Variants in DOCK6 observed in about 807,000 individuals in gnomAD.
The protein encoded by DOCK6 is dedicator of cytokinesis protein 6.
DOCK6 carries 167 observed loss-of-function variants against 230.3 expected under a neutral mutation model. The ratio of observed to expected loss-of-function variants is 0.73; its 90% CI spans 0.64 to 0.82. The LOEUF (loss-of-function observed/expected upper bound fraction) is 0.82. Ranked by LOEUF, DOCK6 falls within the 40% of genes least tolerant of loss-of-function variation. The pLI is 0.00. For synonymous variants in DOCK6, 1,148 were observed against 1,185.0 expected, an observed-to-expected ratio of 0.97 and a Z score of 0.64; for missense variants, 2,598 against 2,825.8, an observed-to-expected ratio of 0.92 and a Z score of 1.83.
At chr19:11,216,320 T>C (rs1338080869) in intron 30 of DOCK6, among the ~76,000 whole-genome samples, 2 of 152,098 alleles carry the variant, frequency 1.3e-5, no homozygotes, top group African/African-American at 4.8e-5. Context: ...ACTCGTGGGC[T>C]CAAGCAGTTT....
At chr19:11,261,131 C>G (rs1470784868) in intron 1 of DOCK6, among the ~76,000 whole-genome samples, 2 of 152,032 alleles carry the variant, frequency 1.3e-5, no homozygotes, top group African/African-American at 4.8e-5. Flanking sequence ...GTCAAAGTCC[C>G]TTGCACAGCC....
At chr19:11,261,618 G>A (rs148090540) in intron 1 of DOCK6, among the ~76,000 whole-genome samples, 77 of 152,280 alleles carry the variant, frequency 5.1e-4, no homozygotes, top group African/African-American at 1.7e-3. Context: ...GCCCCAGAGA[G>A]TCTGATATAC....
intron 18 of DOCK6, 33 bp downstream of exon 18, chr19:11,237,423 T>C: frequency 1.2e-6 from 2 of 1,612,000 alleles, no homozygotes; most frequent in Admixed American, 1.7e-5. Flanking sequence ...CTGGGGACAG[T>C]GCATTGGCAG....
intron 35 of DOCK6, 31 bp from the exon 36 acceptor site, chr19:11,212,182 G>A (rs753965958): frequency 5.6e-5 from 89 of 1,592,574 alleles, no homozygotes; most frequent in African/African-American, 8.0e-5. Flanking sequence ...GGGTGGAGCC[G>A]GGAGTCTCAG....
intron 2 of DOCK6, 109 bp from the exon 3 acceptor site, chr19:11,253,067 G>T (rs1277620853): frequency 1.8e-6 from 2 of 1,094,602 alleles, no homozygotes; most frequent in Non-Finnish European, 2.6e-6. Flanking sequence ...GAGGGCGGTG[G>T]GAGCCATGGA....
chr19:11,206,833 G>A (rs1362333261), intron 39 of DOCK6, among the ~76,000 whole-genome samples: 2 of 149,708 alleles, frequency 1.3e-5, no homozygotes, highest in African/African-American at 4.9e-5. Context: ...GATTTGTGGT[G>A]GTTTTTTTTT....
chr19:11,205,650 T>C (rs1388801019), intron 39 of DOCK6, among the ~76,000 whole-genome samples: 1 of 151,680 alleles, frequency 6.6e-6, no homozygotes, highest in South Asian at 2.1e-4. Context: ...GCCATATTTG[T>C]ATTTTTAGTA....
intron 30 of DOCK6, 189 bp downstream of exon 30, chr19:11,216,725 T>TA: frequency 1.6e-6 from 1 of 640,836 alleles, no homozygotes; most frequent in Non-Finnish European, 2.7e-6. Flanking sequence ...TTCCAAATTC[T>TA]ATTCACAAAG....
intron 28 of DOCK6, among the ~76,000 whole-genome samples, chr19:11,218,121 ACT>A (rs1407630198): frequency 6.6e-6 from 1 of 151,964 alleles, no homozygotes; most frequent in Non-Finnish European, 1.5e-5. Context: ...AAGTGCTGGG[ACT>A]ATAGGCATGA....
rs754481747 is a variant in DOCK6 at position 11,233,307 on chromosome 19, T to C, written c.2614A>G (p.Ser872Gly). 5 of 1,613,842 alleles carry C rather than the reference T, an allele frequency of 3.1e-6. No homozygotes were observed. The highest frequency in any genetic ancestry group is 8.5e-7 in the Non-Finnish European group (1 of 1,179,854). ...TLARGSGRPA[S>G]LYLARSKSIS... The stretch of plus-strand genomic sequence containing the variant: ...CTCTTGGAACGCGCCAGGTAGAGGC[T>C]TGCGGGGCGACCAGAGCCACGGGCC... The change falls in exon 22 of 48, where the codon AGC becomes GGC. Residue 872 changes from serine to glycine, a missense_variant. Transcript: ENST00000294618.
rs184217974 is a variant in DOCK6 at position 11,216,661 on chromosome 19, G to A, written c.3894+253C>T. 6.0e-5 allele frequency: 27 copies of A among 449,354 alleles called. No individual in the cohort carries two copies. In the East Asian group the frequency reaches 7.7e-4, roughly 13 times the overall value. 27.8% of individuals were successfully genotyped at this position (449,354 alleles called of 1,614,324 possible). ...TGACCTCAGGCGATCCACCTGCCTC[G>A]GCCTCCCAAAGTGCTGGGATTACAG... is the stretch of plus-strand genomic sequence containing the variant. On this transcript the variant is annotated intron_variant, in intron 30 of 47. Coordinates refer to ENST00000294618, the MANE Select transcript of DOCK6 (RefSeq NM_020812.4).
chr19:11,252,266 T>A lies in DOCK6; in HGVS notation c.378-18A>T. ...ACTGATACCTAGCAGGAAACGGGGC[T>A]GGGCAGGTAGGGAGGGCTGAGGGCC... is the stretch of plus-strand genomic sequence containing the variant. On this transcript the variant is annotated intron_variant, in intron 4 of 47. Transcript: ENST00000294618. 6.3e-7 allele frequency: 1 copy of A among 1,578,898 alleles called. No individual in the cohort carries two copies. Among genetic ancestry groups the A allele is most frequent in the Non-Finnish European group, 8.6e-7 (1 of 1,161,452 alleles).
At chr19:11,205,418 C>T (rs1351165339) in intron 39 of DOCK6, among the ~76,000 whole-genome samples, 1 of 152,088 alleles carries the variant, frequency 6.6e-6, no homozygotes, top group African/African-American at 2.4e-5. Flanking sequence ...TCTCGGCTCA[C>T]TGCAACCTCT....
intron 35 of DOCK6, among the ~76,000 whole-genome samples, 179 bp downstream of exon 35, chr19:11,212,997 A>C (rs1843491699): frequency 6.6e-6 from 1 of 151,242 alleles, no homozygotes; most frequent in South Asian, 2.1e-4. Context: ...CAGCCTCCCA[A>C]AGTGCTGGGA....
At position 11,202,109 on chromosome 19, in the gene DOCK6, G is replaced by A. The variant is rs1245779523; in HGVS notation, c.5468C>T (p.Thr1823Met). The A allele has an allele frequency of 6.8e-6, 11 of 1,613,864 alleles. No homozygotes were observed. The highest frequency in any genetic ancestry group is 4.0e-5 in the African/African-American group (3 of 74,930). The part of the protein sequence containing the change: ...LDSQKAYIQI[T>M]YVEPYFDTYE... Reference sequence around the variant, plus strand: ...GGTATCAAAGTACGGTTCCACATACGTGATCTGGATGTAGGCCTGGGCGCA... The same window carrying A: ...GGTATCAAAGTACGGTTCCACATACATGATCTGGATGTAGGCCTGGGCGCA... The change falls in exon 44 of 48, where the codon ACG becomes ATG. Residue 1823 changes from threonine (T) to methionine (M), a missense_variant. Coordinates refer to ENST00000294618, the MANE Select transcript of DOCK6 (RefSeq NM_020812.4). The surrounding 1 kb of genome is among the most constrained non-coding windows in gnomAD (Gnocchi z 5.3).
intron 28 of DOCK6, among the ~76,000 whole-genome samples, chr19:11,219,174 G>GTTTT (rs778505119): frequency 5.2e-5 from 4 of 77,274 alleles, no homozygotes; most frequent in East Asian, 3.8e-4. Flanking sequence ...ACTGCGCCCG[G>GTTTT]TTTTTTTTTT....
Position 11,202,001 on chromosome 19 carries a change from TC to T in DOCK6, c.5575del (p.Asp1859MetfsTer41), listed in dbSNP as rs1568663096. ...TFLFCTPFTPDGRAHGELPEQ... is the reference protein window; with the variant it reads ...TFLFCTPFTPXGRAHGELPEQ... ...GGGCAGCTCCCCGTGTGCGCGCCCA[TC>T]CGGCGTGAACGGCGTGCAGAACAGG... On this transcript the variant is annotated frameshift_variant, in exon 44 of 48. Coordinates refer to ENST00000294618, the MANE Select transcript of DOCK6 (RefSeq NM_020812.4). LOFTEE classifies it high-confidence loss of function. This position sits in a 1 kb window ranked among gnomAD's most constrained non-coding sequence, Gnocchi z 5.3. 1 of 1,614,022 alleles carries T rather than the reference TC, an allele frequency of 6.2e-7. No homozygotes were observed. Among genetic ancestry groups the T allele is most frequent in the Non-Finnish European group, 8.5e-7 (1 of 1,179,892 alleles).
In DOCK6 at chr19:11,237,521, C is replaced by G. The variant is rs538227975; in HGVS notation, c.2008G>C (p.Gly670Arg). The change falls in exon 18 of 48, where the codon GGC becomes CGC. Residue 670 changes from glycine (G) to arginine (R), a missense_variant. By Grantham distance (125) the Gly-to-Arg change is moderately radical. Transcript: ENST00000294618. ...ACAGACACTGGGAGACAGAAGGGGC[C>G]GGTCCTCAGGCGCCCGTGCTGCAGC... ...PLLQHGRLRTGPFCLPVSVDQ... is the reference protein window; with the variant it reads ...PLLQHGRLRTRPFCLPVSVDQ... 6.2e-6 allele frequency: 10 copies of G among 1,607,028 alleles called. No homozygotes were observed. Among genetic ancestry groups the G allele is most frequent in the African/African-American group, 1.4e-5 (1 of 73,916 alleles).
chr19:11,213,472 G>C, intron 34 of DOCK6, 144 bp from the exon 35 acceptor site: 1 of 1,204,262 alleles, frequency 8.3e-7, no homozygotes, highest in Non-Finnish European at 1.1e-6. Context: ...AGTCAGACCT[G>C]GGTTTAAGCC....
Sources: allele counts gnomAD v4.1 joint callset (sites outside exome capture counted in the v4.1 genomes callset), GRCh38; gene constraint gnomAD v4.1.1; non-coding constraint Gnocchi (gnomAD v3.1); transcripts MANE v1.5; gene names NCBI Gene and HGNC (gene_info 2026-07-23, HGNC 2026-07-21).